ESR1: variants seen among roughly 807,000 people sequenced by gnomAD.
The protein encoded by ESR1 is estrogen receptor 1.
In ESR1, 12 loss-of-function variants were observed where a neutral mutation model predicts 52.7. That is an observed-to-expected ratio of 0.23 (90% CI 0.15 to 0.37). The LOEUF (loss-of-function observed/expected upper bound fraction) is 0.37. Ranked by LOEUF, ESR1 falls within the 10% of genes least tolerant of loss-of-function variation. The pLI is 1.00. For synonymous variants in ESR1, 305 were observed against 316.8 expected (o/e 0.96, Z 0.39); for missense variants, 584 against 779.7 (o/e 0.75, Z 2.99).
chr6:151,727,713 G>T (rs1226624264), intron 2 of ESR1, among the ~76,000 whole-genome samples: 1 of 152,128 alleles, frequency 6.6e-6, no homozygotes, highest in African/African-American at 2.4e-5. Flanking sequence ...GGAGAGATCT[G>T]GTGGGAGGTG....
chr6:152,124,748 T>C (rs1024960308), intron 6 of ESR1, among the ~76,000 whole-genome samples: 5 of 152,172 alleles, frequency 3.3e-5, no homozygotes, highest in Non-Finnish European at 7.3e-5. Context: ...AAGTATGTCA[T>C]ATACCTTATT....
At chr6:151,736,605 C>G (rs998964054) in intron 2 of ESR1, among the ~76,000 whole-genome samples, 1 of 152,038 alleles carries the variant, frequency 6.6e-6, no homozygotes, top group Non-Finnish European at 1.5e-5. Context: ...TCTCGAACTC[C>G]TGAGCTCAGG....
intron 4 of ESR1, among the ~76,000 whole-genome samples, chr6:151,958,993 T>TGTGTGTGTGTGC (rs1437735036): frequency 2.6e-5 from 4 of 152,014 alleles, no homozygotes; most frequent in South Asian, 2.1e-4. Flanking sequence ...TGTGTGTGTG[T>TGTGTGTGTGTGC]GCGTGTGTGT....
chr6:151,963,256 T>G (rs76718336), intron 4 of ESR1, among the ~76,000 whole-genome samples: 512 of 152,344 alleles, frequency 3.4e-3, no homozygotes, highest in East Asian at 0.011. Context: ...TGCAATGTTT[T>G]CTCTGGAATG....
At chr6:151,927,418 A>G (rs543126106) in intron 3 of ESR1, among the ~76,000 whole-genome samples, 2 of 152,152 alleles carry the variant, frequency 1.3e-5, no homozygotes, top group African/African-American at 4.8e-5. Flanking sequence ...AATTGGCACA[A>G]TTTCTTTCTT....
At chr6:151,850,000 ATATAT>A (rs1189651755) in intron 2 of ESR1, among the ~76,000 whole-genome samples, 3 of 83,404 alleles carry the variant, frequency 3.6e-5, no homozygotes, top group East Asian at 3.2e-4. Flanking sequence ...ATATATATAT[ATATAT>A]AATTTTGTAT....
intron 5 of ESR1, among the ~76,000 whole-genome samples, chr6:152,051,531 C>A (rs745550799): frequency 8.3e-4 from 127 of 152,272 alleles, no homozygotes; most frequent in Non-Finnish European, 1.6e-3. Context: ...TCTACCTCCC[C>A]CTGCTTCTCT....
At chr6:151,677,525 C>G (rs1055190378) in intron 1 of ESR1, among the ~76,000 whole-genome samples, 1 of 152,182 alleles carries the variant, frequency 6.6e-6, no homozygotes, top group African/African-American at 2.4e-5. Flanking sequence ...AACATCCACC[C>G]AGTAGTATTC....
chr6:151,855,970 G>A (rs1245853631), intron 2 of ESR1, among the ~76,000 whole-genome samples: 2 of 152,048 alleles, frequency 1.3e-5, no homozygotes, highest in Admixed American at 1.3e-4. Context: ...TGGCAAAATC[G>A]CAATTACTTT....
At chr6:151,832,787 C>T (rs1320692036) in intron 1 of ESR1, among the ~76,000 whole-genome samples, 1 of 152,078 alleles carries the variant, frequency 6.6e-6, no homozygotes, top group Admixed American at 6.6e-5. Context: ...AATACTGTAT[C>T]CATACTCTTG....
At chr6:151,985,077 GTACTAC>G (rs1320975213) in intron 4 of ESR1, among the ~76,000 whole-genome samples, 8 of 152,062 alleles carry the variant, frequency 5.3e-5, no homozygotes, top group Non-Finnish European at 1.0e-4. Flanking sequence ...CCAACATAGA[GTACTAC>G]ACAAATGAAA....
chr6:151,698,219 A>T (rs1779511171), intron 1 of ESR1, among the ~76,000 whole-genome samples: 1 of 151,884 alleles, frequency 6.6e-6, no homozygotes, highest in Non-Finnish European at 1.5e-5. Context: ...TACAAAAATT[A>T]GCCAGGTGTG....
chr6:151,870,814 C>A (rs1272127584), intron 2 of ESR1, among the ~76,000 whole-genome samples: 2 of 152,072 alleles, frequency 1.3e-5, no homozygotes, highest in Non-Finnish European at 2.9e-5. Flanking sequence ...TCTTGACCCA[C>A]CCCATGTAGA....
intron 2 of ESR1, among the ~76,000 whole-genome samples, chr6:151,784,001 C>T (rs905149137): frequency 2.0e-5 from 3 of 152,176 alleles, no homozygotes; most frequent in African/African-American, 7.2e-5. Context: ...AATGAAATGC[C>T]ATTCTTATTA....
chr6:151,939,697 G>A (rs1318255889), intron 3 of ESR1, among the ~76,000 whole-genome samples: 2 of 151,902 alleles, frequency 1.3e-5, no homozygotes, highest in Non-Finnish European at 2.9e-5. Flanking sequence ...CTACTCCCAT[G>A]TAGAAGAGGA....
chr6:151,786,686 T>C (rs1787057337), intron 2 of ESR1, among the ~76,000 whole-genome samples: 1 of 151,988 alleles, frequency 6.6e-6, no homozygotes, highest in Admixed American at 6.6e-5. Context: ...TTTTTTTTTT[T>C]TTCTGGTAGG....
intron 5 of ESR1, among the ~76,000 whole-genome samples, chr6:152,022,921 G>C (rs576501108): frequency 6.6e-6 from 1 of 151,476 alleles, no homozygotes; most frequent in South Asian, 2.1e-4. Context: ...AGGTTGCAGT[G>C]AGCCAAGTTC....
intron 2 of ESR1, among the ~76,000 whole-genome samples, chr6:151,872,088 G>T (rs902749602): frequency 2.0e-5 from 3 of 152,026 alleles, no homozygotes; most frequent in African/African-American, 7.3e-5. Flanking sequence ...ATTATTTTGG[G>T]TCTACACCTC....
chr6:151,994,421 C>G (rs1469654335), intron 4 of ESR1, among the ~76,000 whole-genome samples: 1 of 152,210 alleles, frequency 6.6e-6, no homozygotes. Flanking sequence ...AATACGATCT[C>G]TGGTCTCTGA....
Sources: gnomAD v4.1 joint callset for allele counts (sites outside exome capture counted in the v4.1 genomes callset) on GRCh38, gnomAD v4.1.1 for gene constraint, MANE v1.5 for transcripts, NCBI Gene and HGNC (gene_info 2026-07-23, HGNC 2026-07-21) for gene names.